Variants in PDPR observed in about 807,000 individuals in gnomAD.
PDPR encodes the protein pyruvate dehydrogenase phosphatase regulatory subunit, mitochondrial.
PDPR carries 50 observed loss-of-function variants against 102.2 expected under a neutral mutation model. That is an observed-to-expected ratio of 0.49 (90% CI 0.39 to 0.62). PDPR has a LOEUF of 0.62. PDPR is among the 20% of genes least tolerant of loss of function. PDPR has a pLI of 0.00. For synonymous variants in PDPR, 259 were observed against 406.0 expected, an observed-to-expected ratio of 0.64 and a Z score of 4.35; for missense variants, 625 against 1,098.2, an observed-to-expected ratio of 0.57 and a Z score of 6.09.
In PDPR at chr16:70,136,204, G is replaced by T. The variant is rs1352660871; in HGVS notation, c.1008G>T (p.Leu336Phe). ...QEDWDHFEPL[L>F]SSLLRRMPEL... ...GTTGTCATTGCTCAGAGCCTCTGTT[G>T]AGTTCCCTTCTGAGGAGGATGCCAG... Residue 336 changes from leucine to phenylalanine, a missense_variant, in exon 10 of 19, where the codon TTG becomes TTT. Leu to Phe is a conservative substitution (Grantham distance 22). Transcript: ENST00000288050. 1.9e-6 allele frequency: 3 copies of T among 1,582,656 alleles called. No individual in the cohort carries two copies. In the Admixed American group the frequency reaches 5.1e-5, roughly 27 times the overall value.
Position 70,156,929 on chromosome 16 carries a change from G to A in PDPR, c.*50G>A. 1 of 1,591,818 alleles carries A rather than the reference G, an allele frequency of 6.3e-7. No individual in the cohort carries two copies. Among genetic ancestry groups the A allele is most frequent in the Non-Finnish European group, 8.6e-7 (1 of 1,168,412 alleles). ...TCCCCATCATCTTGTCCTAGAGTGG[G>A]CGTCACCTTGGAGCTTCTCTTCCTT... On this transcript the variant is annotated 3_prime_UTR_variant, in exon 19 of 19. Coordinates refer to ENST00000288050, the MANE Select transcript of PDPR (RefSeq NM_017990.5).
intron 2 of PDPR, among the ~76,000 whole-genome samples, chr16:70,118,153 C>A (rs1279510044): frequency 2.0e-5 from 3 of 151,084 alleles, no homozygotes; most frequent in South Asian, 2.1e-4. Flanking sequence ...GTTGCAGGTA[C>A]ATGAAAGAGA....
At chr16:70,119,212 A>T (rs2549081) in intron 2 of PDPR, among the ~76,000 whole-genome samples, 1 of 152,016 alleles carries the variant, frequency 6.6e-6, no homozygotes, top group Non-Finnish European at 1.5e-5. Flanking sequence ...TGTAATCTCA[A>T]CACTTTGGGA....
intron 10 of PDPR, among the ~76,000 whole-genome samples, chr16:70,138,207 ATTTTTTTTTTTTTT>A (rs1201065640): frequency 8.5e-5 from 8 of 94,046 alleles, no homozygotes; most frequent in Admixed American, 1.4e-4. Context: ...ACGCCGGCTA[ATTTTTTTTTTTTTT>A]TTTTTTTTTT....
upstream of PDPR, chr16:70,113,992 C>T (rs1962373414): frequency 1.3e-5 from 2 of 152,044 alleles, no homozygotes; most frequent in South Asian, 2.1e-4. Flanking sequence ...AAAGAACTCC[C>T]GCGCTCCCCA....
intron 2 of PDPR, among the ~76,000 whole-genome samples, chr16:70,119,808 A>G (rs1963029719): frequency 6.6e-6 from 1 of 150,612 alleles, no homozygotes; most frequent in Non-Finnish European, 1.5e-5. Context: ...AAACTCTCAA[A>G]TGTAAATTTC....
intron 9 of PDPR, among the ~76,000 whole-genome samples, chr16:70,135,555 T>TA (rs1241100506): frequency 6.6e-6 from 1 of 152,282 alleles, no homozygotes; most frequent in African/African-American, 2.4e-5. Context: ...CACCTTTTAT[T>TA]AAAATCTCTG....
chr16:70,138,786 A>G, intron 10 of PDPR, 113 bp from the exon 11 acceptor site: 1 of 1,574,574 alleles, frequency 6.4e-7, no homozygotes, highest in South Asian at 1.1e-5. Context: ...AAAACTATTC[A>G]GCTGGTCTAT....
rs559483588 is a variant in PDPR at position 70,143,456 on chromosome 16, C to T, written c.1606-54C>T. Reference sequence around the variant, plus strand: ...GTTCATTGCTGGTGGGGCCATGTGGCCCAGCCAGGTGCTCTCACGCTCACT... The same window carrying T: ...GTTCATTGCTGGTGGGGCCATGTGGTCCAGCCAGGTGCTCTCACGCTCACT... On this transcript the variant is annotated intron_variant, in intron 13 of 18. Transcript: ENST00000288050. 38 of 1,596,834 alleles carry T rather than the reference C, an allele frequency of 2.4e-5. No homozygotes were observed. The East Asian group carries it at 7.4e-4, about 31-fold the overall frequency.
chr16:70,117,478 A>G (rs951532569), intron 2 of PDPR, among the ~76,000 whole-genome samples: 6 of 151,552 alleles, frequency 4.0e-5, no homozygotes, highest in African/African-American at 1.5e-4. Flanking sequence ...AGATCGCACC[A>G]CTGCACTCCA....
At chr16:70,130,082 C>T (rs1256026353) in intron 6 of PDPR, among the ~76,000 whole-genome samples, 1 of 152,250 alleles carries the variant, frequency 6.6e-6, no homozygotes, top group Admixed American at 6.5e-5. Flanking sequence ...CACCTGAGGC[C>T]AGGAGTTCAA....
In PDPR at chr16:70,123,402, A is replaced by G. The variant is rs1963556784; in HGVS notation, c.227+2683A>G. ...CAGGCATGCACTACCATGCCTGGCT[A>G]ATTTTTTGTTTTTTTGGTAGAGACG... On this transcript the variant is annotated intron_variant, in intron 3 of 18. Transcript: ENST00000288050. 2.6e-5 allele frequency among the ~76,000 whole-genome samples: 4 copies of G among 152,082 alleles called. No individual in the cohort carries two copies. The South Asian group carries it at 8.3e-4, about 32-fold the overall frequency.
chr16:70,129,287 G>A (rs1964301356), intron 6 of PDPR, among the ~76,000 whole-genome samples, 165 bp downstream of exon 6: 1 of 152,270 alleles, frequency 6.6e-6, no homozygotes, highest in Non-Finnish European at 1.5e-5. Context: ...ATCTGTTAAT[G>A]AGTGTTTTCC....
chr16:70,122,846 T>TACACACACACACACACACACACAC (rs1437017547), intron 3 of PDPR, among the ~76,000 whole-genome samples: 5 of 61,228 alleles, frequency 8.2e-5, no homozygotes, highest in Non-Finnish European at 1.6e-4. Context: ...TATATCTGTA[T>TACACACACACACACACACACACAC]ACACACATAC....
At position 70,158,132 on chromosome 16, in the gene PDPR, C is replaced by T. The variant is rs758223442; in HGVS notation, c.*1253C>T. ...TTTCCCTCCACCCACCCTTCCATAT[C>T]CTCTGGAGCAGGAGACAATGTGGGT... On this transcript the variant is annotated 3_prime_UTR_variant, in exon 19 of 19. Transcript: ENST00000288050. 1 of 152,856 alleles carries T rather than the reference C, an allele frequency of 6.5e-6. No individual in the cohort carries two copies. The highest frequency in any genetic ancestry group is 1.5e-5 in the Non-Finnish European group (1 of 68,442). 9.5% of individuals were successfully genotyped at this position (152,856 alleles called of 1,614,324 possible). A position where few individuals can be genotyped will look rare whatever the true frequency, so the allele number is the denominator to read the frequency against.
intron 18 of PDPR, 24 bp from the exon 19 acceptor site, chr16:70,156,451 C>G (rs1304767786): frequency 6.2e-7 from 1 of 1,610,372 alleles, no homozygotes; most frequent in Admixed American, 1.7e-5. Context: ...CGCTGGATGA[C>G]TCGGCGTTTC....
At chr16:70,141,596 C>T (rs2549121) in intron 11 of PDPR, among the ~76,000 whole-genome samples, 1 of 152,246 alleles carries the variant, frequency 6.6e-6, no homozygotes, top group Non-Finnish European at 1.5e-5. Flanking sequence ...TAGTAACCTT[C>T]TTCTCTGCTA....
intron 2 of PDPR, among the ~76,000 whole-genome samples, chr16:70,116,422 C>G (rs62053467): frequency 0.31 from 40,997 of 133,740 alleles, 6,991 homozygotes; most frequent in Non-Finnish European, 0.4. Flanking sequence ...CTGTGTCACC[C>G]AGGCAGGAGT....
chr16:70,145,388 G>A lies in PDPR; in HGVS notation c.1868-746G>A, dbSNP rs570849052. On this transcript the variant is annotated intron_variant, in intron 15 of 18. Transcript: ENST00000288050. The stretch of plus-strand genomic sequence containing the variant: ...CTTGACCTCGTGATCCACCTGCTTC[G>A]GCCTCCCAAAGTGCTGGGATTACAG... 7.2e-5 allele frequency among the ~76,000 whole-genome samples: 11 copies of A among 152,306 alleles called. No homozygotes were observed. The South Asian group carries it at 2.3e-3, about 32-fold the overall frequency.
Sources: allele counts gnomAD v4.1 joint callset (sites outside exome capture counted in the v4.1 genomes callset), GRCh38; gene constraint gnomAD v4.1.1; transcripts MANE v1.5; gene names NCBI Gene and HGNC (gene_info 2026-07-23, HGNC 2026-07-21).